PTPRD: variants seen among roughly 807,000 people sequenced by gnomAD.
The protein encoded by PTPRD is protein tyrosine phosphatase receptor type D.
Under a neutral mutation model 214.5 loss-of-function variants are expected in PTPRD, and 34 were observed. The observed-to-expected ratio is 0.16, with a 90% CI of 0.12 to 0.21. PTPRD has a LOEUF of 0.21. Among genes scored for constraint, PTPRD ranks in the 10% least tolerant of loss-of-function variants. The pLI, the probability that PTPRD is intolerant of heterozygous loss-of-function variation, is 1.00. For missense variants in PTPRD, 2,545 were observed against 2,398.7 expected (o/e 1.06, Z -1.27); for synonymous variants, 1,128 against 845.7 (o/e 1.33, Z -5.79).
intron 2 of PTPRD, among the ~76,000 whole-genome samples, chr9:10,466,441 T>A (rs1588828884): frequency 1.3e-5 from 2 of 151,902 alleles, no homozygotes; most frequent in East Asian, 3.9e-4. Context: ...CTGACCAACA[T>A]GAAGAAACCC....
intron 9 of PTPRD, among the ~76,000 whole-genome samples, chr9:9,394,012 C>A (rs1586977930): frequency 6.6e-6 from 1 of 152,076 alleles, no homozygotes; most frequent in African/African-American, 2.4e-5. Flanking sequence ...AGAAAATCAA[C>A]CTTTTTCATT....
At chr9:9,208,939 C>G (rs2099946731) in intron 9 of PTPRD, among the ~76,000 whole-genome samples, 1 of 151,956 alleles carries the variant, frequency 6.6e-6, no homozygotes. Context: ...TCCCGAGTAG[C>G]TGGAACCACA....
rs1037246337 is a variant in PTPRD at position 8,881,547 on chromosome 9, T to C, written c.-104+137150A>G. Among the ~76,000 whole-genome samples the C allele has an allele frequency of 2.6e-4, 39 of 152,210 alleles. 1 individual carries two copies. Among genetic ancestry groups the C allele is most frequent in the Admixed American group, 2.4e-3 (36 of 15,280 alleles). On this transcript the variant is annotated intron_variant, in intron 11 of 45. Coordinates refer to ENST00000381196, the MANE Select transcript of PTPRD (RefSeq NM_002839.4). Reference sequence around the variant, plus strand: ...ATACATCACAATGTACTGATATATTTACAGTGGTATAAGTTTAAGTAAAAG... The same window carrying C: ...ATACATCACAATGTACTGATATATTCACAGTGGTATAAGTTTAAGTAAAAG...
At chr9:9,072,975 A>G (rs1055819735) in intron 10 of PTPRD, among the ~76,000 whole-genome samples, 1 of 152,224 alleles carries the variant, frequency 6.6e-6, no homozygotes, top group African/African-American at 2.4e-5. Flanking sequence ...CATATTTGAG[A>G]GAGATTTTCG....
At chr9:9,295,971 A>T (rs1569567155) in intron 9 of PTPRD, among the ~76,000 whole-genome samples, 1 of 151,794 alleles carries the variant, frequency 6.6e-6, no homozygotes, top group Non-Finnish European at 1.5e-5. Context: ...ATTAAATTTT[A>T]AAAAAGCTTC....
At chr9:8,632,333 C>A (rs2096279672) in intron 14 of PTPRD, among the ~76,000 whole-genome samples, 1 of 151,882 alleles carries the variant, frequency 6.6e-6, no homozygotes, top group Admixed American at 6.6e-5. Context: ...AAAACCATCC[C>A]TCCATGGGGG....
chr9:9,601,137 G>A (rs1007234694), intron 7 of PTPRD, among the ~76,000 whole-genome samples: 1 of 127,644 alleles, frequency 7.8e-6, no homozygotes, highest in African/African-American at 3.5e-5. Flanking sequence ...GTGTGTGTGT[G>A]TGTGTGTGTG....
chr9:8,396,052 A>C (rs550317505), intron 36 of PTPRD, among the ~76,000 whole-genome samples: 1 of 152,242 alleles, frequency 6.6e-6, no homozygotes, highest in South Asian at 2.1e-4. Flanking sequence ...GAGGTTCATC[A>C]AGCAATGAAG....
chr9:10,424,916 C>G (rs1431951316), intron 2 of PTPRD, among the ~76,000 whole-genome samples: 1 of 151,962 alleles, frequency 6.6e-6, no homozygotes, highest in Admixed American at 6.6e-5. Flanking sequence ...AATAGTCTTA[C>G]TCTCTCCAAA....
chr9:9,667,455 C>T (rs771356422), intron 7 of PTPRD, among the ~76,000 whole-genome samples: 2 of 152,090 alleles, frequency 1.3e-5, no homozygotes, highest in African/African-American at 2.4e-5. Context: ...GCCCGAAAGT[C>T]ATAAAATAGT....
At chr9:9,907,570 A>C (rs2077964298) in intron 5 of PTPRD, among the ~76,000 whole-genome samples, 1 of 152,006 alleles carries the variant, frequency 6.6e-6, no homozygotes, top group Admixed American at 6.6e-5. Context: ...GTAGGATCAG[A>C]GTCCTATTCT....
chr9:9,544,355 T>C (rs894566259), intron 8 of PTPRD, among the ~76,000 whole-genome samples: 2 of 151,688 alleles, frequency 1.3e-5, no homozygotes, highest in Non-Finnish European at 3.0e-5. Flanking sequence ...TCAATGAAGG[T>C]TCCCAAAATA....
At position 8,739,903 on chromosome 9, in the gene PTPRD, T is replaced by C. The variant is rs117103076; in HGVS notation, c.-103-5957A>G. ...TCCGGGCACAAGCTCTTTTCTCTTG[T>C]CTGCTGCCATGTGAGATGTGACTTT... On this transcript the variant is annotated intron_variant, in intron 11 of 45. Transcript: ENST00000381196. 3.7e-3 allele frequency among the ~76,000 whole-genome samples: 567 copies of C among 152,276 alleles called. 17 individuals are homozygous for C. Among genetic ancestry groups the C allele is most frequent in the Admixed American group, 0.031 (478 of 15,288 alleles).
At position 8,449,767 on chromosome 9, in the gene PTPRD, T is replaced by C. The variant is rs770320104; in HGVS notation, c.3946A>G (p.Thr1316Ala). ...AGGCGCCTCAGTTCTACAGGGTCTGTTGGGTGGTGTGAAGGGATCTCCTTA... is the reference window on the plus strand; with the variant it reads ...AGGCGCCTCAGTTCTACAGGGTCTGCTGGGTGGTGTGAAGGGATCTCCTTA... ...NNKEIPSHHP[T>A]DPVELRRLNF... The change falls in exon 34 of 46, where the codon ACA becomes GCA. Residue 1316 changes from threonine to alanine, a missense_variant. Physicochemically the swap from Thr to Ala is moderately conservative, Grantham distance 58. Transcript: ENST00000381196. The C allele has an allele frequency of 2.5e-6, 4 of 1,614,130 alleles. No individual in the cohort carries two copies. In the Admixed American group the frequency reaches 6.7e-5, roughly 27 times the overall value.
chr9:10,236,597 TATA>T (rs1193822360), intron 3 of PTPRD, among the ~76,000 whole-genome samples: 1 of 151,892 alleles, frequency 6.6e-6, no homozygotes, highest in South Asian at 2.1e-4. Flanking sequence ...ATACACAATA[TATA>T]ATAAGTTATT....
At chr9:10,037,097 C>T (rs925015037) in intron 3 of PTPRD, among the ~76,000 whole-genome samples, 1 of 151,510 alleles carries the variant, frequency 6.6e-6, no homozygotes, top group African/African-American at 2.4e-5. Flanking sequence ...CACTATGTTG[C>T]CCAGAATGGT....
At chr9:10,139,326 TA>T (rs776590948) in intron 3 of PTPRD, among the ~76,000 whole-genome samples, 3 of 149,348 alleles carry the variant, frequency 2.0e-5, no homozygotes, top group South Asian at 2.1e-4. Flanking sequence ...ATCAAGGAGA[TA>T]AAAAAAACTC....
chr9:8,945,576 A>G (rs1010011972), intron 11 of PTPRD, among the ~76,000 whole-genome samples: 3 of 152,056 alleles, frequency 2.0e-5, no homozygotes, highest in African/African-American at 7.2e-5. Context: ...CTCTTGAAAA[A>G]AGACACAATA....
At chr9:8,401,588 T>C (rs958316539) in intron 36 of PTPRD, among the ~76,000 whole-genome samples, 1 of 152,168 alleles carries the variant, frequency 6.6e-6, no homozygotes, top group Non-Finnish European at 1.5e-5. Flanking sequence ...TTTGGAAAGA[T>C]GTCACCAAGT....
Sources: allele counts gnomAD v4.1 joint callset (sites outside exome capture counted in the v4.1 genomes callset), GRCh38; gene constraint gnomAD v4.1.1; transcripts MANE v1.5; gene names NCBI Gene and HGNC (gene_info 2026-07-23, HGNC 2026-07-21).